The following NEDD1 variants were observed in gnomAD, a reference collection of about 807,000 sequenced individuals.
NEDD1 encodes the protein protein NEDD1.
In NEDD1, 33 loss-of-function variants were observed where a neutral mutation model predicts 74.0. That is an observed-to-expected ratio of 0.45 (90% confidence interval 0.34 to 0.60). The LOEUF (loss-of-function observed/expected upper bound fraction) is 0.60. Ranked by LOEUF, NEDD1 falls within the 20% of genes least tolerant of loss-of-function variation. The probability of loss-of-function intolerance (pLI) is 0.01; values close to 1 mark genes in which losing one functional copy is unlikely to be tolerated. For missense variants in NEDD1, 746 were observed against 776.5 expected, an observed-to-expected ratio of 0.96 and a Z score of 0.47; for synonymous variants, 250 against 264.4, an observed-to-expected ratio of 0.95 and a Z score of 0.53.
At chr12:96,948,265 G>A (rs879485091) in intron 14 of NEDD1, among the ~76,000 whole-genome samples, 6 of 152,112 alleles carry the variant, frequency 3.9e-5, no homozygotes, top group African/African-American at 9.7e-5. Flanking sequence ...TTACATGAGC[G>A]CTGAATGAAG....
chr12:96,912,880 T>C (rs1874063996), intron 4 of NEDD1, 63 bp downstream of exon 4: 1 of 789,374 alleles, frequency 1.3e-6, no homozygotes, highest in Admixed American at 2.2e-5. Context: ...TGGCAATTGC[T>C]TATTGTGGTG....
intron 1 of NEDD1, 109 bp from the exon 2 acceptor site, chr12:96,907,495 G>A (rs1038956987): frequency 4.4e-6 from 4 of 918,014 alleles, no homozygotes; most frequent in Admixed American, 2.0e-5. Flanking sequence ...GCGGGCCGGG[G>A]TCGCGCACCT....
chr12:96,943,215 T>TA (rs1192321538), intron 11 of NEDD1, among the ~76,000 whole-genome samples: 1 of 152,048 alleles, frequency 6.6e-6, no homozygotes, highest in African/African-American at 2.4e-5. Context: ...ATACCACAGA[T>TA]ATATACCAAA....
At position 96,912,759 on chromosome 12, in the gene NEDD1, A is replaced by G; in HGVS notation, c.173A>G (p.Lys58Arg). The change falls in exon 4 of 16, where the codon AAA becomes AGA. Residue 58 changes from lysine (K) to arginine (R), a missense_variant. By Grantham distance (26) the Lys-to-Arg change is conservative. This residue lies in a region of NEDD1 where 706 missense variants were observed against 706.7 expected (regional missense o/e 1.00). Coordinates refer to ENST00000266742, the MANE Select transcript of NEDD1 (RefSeq NM_152905.4). ...FLVTASSSGD[K>R]IVVSSCKCKP... ...GTAACAGCATCTTCCAGTGGCGACA[A>G]AATAGTTGTCTCAAGTTGCAAATGT... is the stretch of plus-strand genomic sequence containing the variant. 1 of 1,609,704 alleles carries G rather than the reference A, an allele frequency of 6.2e-7. No homozygotes were observed. The highest frequency in any genetic ancestry group is 8.5e-7 in the Non-Finnish European group (1 of 1,176,350).
chr12:96,911,008 T>G (rs907521751), intron 3 of NEDD1, among the ~76,000 whole-genome samples: 3 of 152,224 alleles, frequency 2.0e-5, no homozygotes, highest in Non-Finnish European at 4.4e-5. Flanking sequence ...ATTTTCTTAC[T>G]GAATTAAATT....
At position 96,926,740 on chromosome 12, in the gene NEDD1, C is replaced by T. The variant is rs993795471; in HGVS notation, c.489+6615C>T. Among the ~76,000 whole-genome samples, 121 of 152,172 alleles carry T rather than the reference C, an allele frequency of 8.0e-4. 1 individual carries two copies. Among genetic ancestry groups the T allele is most frequent in the African/African-American group, 2.7e-3 (114 of 41,512 alleles). ...AGGCACAGTGGTTCACACCTGGAAT[C>T]CCAGCACTTTGGGAGGCCAAGGCAG... On this transcript the variant is annotated intron_variant, in intron 6 of 15. Transcript: ENST00000266742.
At chr12:96,920,730 A>G (rs1284820923) in intron 6 of NEDD1, among the ~76,000 whole-genome samples, 2 of 152,210 alleles carry the variant, frequency 1.3e-5, no homozygotes, top group Admixed American at 6.5e-5. Context: ...TTGACTTTCC[A>G]TAAGATTCGC....
At chr12:96,907,498 G>C (rs1873446418) in intron 1 of NEDD1, 106 bp from the exon 2 acceptor site, 2 of 933,178 alleles carry the variant, frequency 2.1e-6, no homozygotes, top group Non-Finnish European at 3.4e-6. Flanking sequence ...GGCCGGGGTC[G>C]CGCACCTCCC....
Position 96,948,958 on chromosome 12 carries a change from A to G in NEDD1, c.1812-2474A>G, listed in dbSNP as rs145161026. Among the ~76,000 whole-genome samples, 272 of 152,318 alleles carry G rather than the reference A, an allele frequency of 1.8e-3. 2 individuals carry two copies. Among genetic ancestry groups the G allele is most frequent in the African/African-American group, 3.7e-3 (153 of 41,584 alleles). On this transcript the variant is annotated intron_variant, in intron 14 of 15. Transcript: ENST00000266742. ...CAGGGGGAGCATTGCTTAGAAGTCA[A>G]CAGATGTCTTGAGGGGAAATTCCAC...
chr12:96,917,596 A>G, intron 4 of NEDD1, 25 bp from the exon 5 acceptor site: 2 of 1,430,866 alleles, frequency 1.4e-6, no homozygotes, highest in African/African-American at 3.6e-5. Flanking sequence ...AAATTAAGGT[A>G]ACTTTTTTTT....
intron 4 of NEDD1, among the ~76,000 whole-genome samples, chr12:96,913,278 TC>T (rs890301843): frequency 6.6e-6 from 1 of 152,068 alleles, no homozygotes; most frequent in African/African-American, 2.4e-5. Context: ...TGTCTGAGCC[TC>T]CCCCATACTC....
At chr12:96,930,209 A>T (rs866407759) in intron 6 of NEDD1, among the ~76,000 whole-genome samples, 26,491 of 90,560 alleles carry the variant, frequency 0.29, 2,842 homozygotes, top group South Asian at 0.38. Flanking sequence ...ACACACACAC[A>T]CACTCTCTCT....
At chr12:96,924,102 T>C (rs1875426141) in intron 6 of NEDD1, among the ~76,000 whole-genome samples, 1 of 152,220 alleles carries the variant, frequency 6.6e-6, no homozygotes, top group Non-Finnish European at 1.5e-5. Flanking sequence ...TATCTAATTG[T>C]ACCAATGTTA....
Position 96,909,748 on chromosome 12 carries a change from G to A in NEDD1, c.-8-4G>A. On this transcript the variant is annotated splice_region_variant and splice_polypyrimidine_tract_variant and intron_variant, in intron 2 of 15. Coordinates refer to ENST00000266742, the MANE Select transcript of NEDD1 (RefSeq NM_152905.4). The stretch of plus-strand genomic sequence containing the variant: ...TAAAATACATTGTTTTAAACTATTT[G>A]TAGGCGCAGTCATGCAGGAAAACCT... 1 of 1,606,038 alleles carries A rather than the reference G, an allele frequency of 6.2e-7. No individual in the cohort carries two copies. Among genetic ancestry groups the A allele is most frequent in the Non-Finnish European group, 8.5e-7 (1 of 1,175,466 alleles).
chr12:96,922,548 T>C (rs1434440861), intron 6 of NEDD1, among the ~76,000 whole-genome samples: 1 of 152,206 alleles, frequency 6.6e-6, no homozygotes, highest in African/African-American at 2.4e-5. Flanking sequence ...AGTTTTCTTA[T>C]TAAAATCAGA....
intron 6 of NEDD1, among the ~76,000 whole-genome samples, chr12:96,925,968 T>G (rs552729253): frequency 1.3e-5 from 2 of 152,154 alleles, no homozygotes; most frequent in Admixed American, 6.5e-5. Context: ...CTTGAACAAG[T>G]TACTTAACTC....
At chr12:96,913,128 G>A (rs1874092236) in intron 4 of NEDD1, among the ~76,000 whole-genome samples, 1 of 152,030 alleles carries the variant, frequency 6.6e-6, no homozygotes, top group Non-Finnish European at 1.5e-5. Flanking sequence ...ATCCCACATA[G>A]GTTACTAGGT....
rs558594564 is a variant in NEDD1, at chr12:96,930,549, A to AT, written c.490-4425dup. On this transcript the variant is annotated intron_variant, in intron 6 of 15. Coordinates refer to ENST00000266742, the MANE Select transcript of NEDD1 (RefSeq NM_152905.4). ...TAGAGCCTCAGTGCCCAGGGTTTTTATTGGGGGGGCTGGTTATATCTAGGA... is the reference window on the plus strand; with the variant it reads ...TAGAGCCTCAGTGCCCAGGGTTTTTATTTGGGGGGGCTGGTTATATCTAGGA... Among the ~76,000 whole-genome samples the AT allele has an allele frequency of 5.9e-5, 9 of 152,108 alleles. No homozygotes were observed. In the East Asian group the frequency reaches 1.7e-3, roughly 29 times the overall value.
At chr12:96,908,653 A>G (rs1307022626) in intron 2 of NEDD1, among the ~76,000 whole-genome samples, 1 of 152,200 alleles carries the variant, frequency 6.6e-6, no homozygotes, top group East Asian at 1.9e-4. Context: ...ATCGTAGTCC[A>G]AGTATTGGTA....
Sources: allele counts gnomAD v4.1 joint callset (sites outside exome capture counted in the v4.1 genomes callset), GRCh38; gene constraint gnomAD v4.1.1; regional missense constraint gnomAD v4.1.1; transcripts MANE v1.5; gene names NCBI Gene and HGNC (gene_info 2026-07-23, HGNC 2026-07-21).